The following TACC2 variants were observed in gnomAD, a reference collection of about 807,000 sequenced individuals.
TACC2 encodes the protein transforming acidic coiled-coil-containing protein 2.
A neutral mutation model predicts 227.3 loss-of-function variants in TACC2; 137 were observed. The observed-to-expected ratio is 0.60, with a 90% CI of 0.52 to 0.69. The LOEUF is 0.69. Among genes scored for constraint, TACC2 ranks in the 30% least tolerant of loss-of-function variants. The probability of loss-of-function intolerance (pLI) is 0.00; values close to 1 mark genes in which losing one functional copy is unlikely to be tolerated. For synonymous variants in TACC2, 1,523 were observed against 1,487.5 expected (o/e 1.02, Z -0.55); for missense variants, 3,470 against 3,694.4 (o/e 0.94, Z 1.57).
chr10:122,135,504 C>T (rs1565402068), intron 6 of TACC2, among the ~76,000 whole-genome samples: 1 of 152,138 alleles, frequency 6.6e-6, no homozygotes, highest in African/African-American at 2.4e-5. Flanking sequence ...AAGGAATGAG[C>T]AATTTTGGTG....
chr10:122,207,804 G>A lies in TACC2; in HGVS notation c.5972-2593G>A, dbSNP rs143514817. Among the ~76,000 whole-genome samples, 182 of 152,300 alleles carry A rather than the reference G, an allele frequency of 1.2e-3. 3 individuals are homozygous for A. In the East Asian group the frequency reaches 0.027, roughly 23 times the overall value. ...AACTGCTGACATTTGAAGGGCCTCC[G>A]AAGGCTTCCTTCTGCAGGCTGCAGA... On this transcript the variant is annotated intron_variant, in intron 8 of 22. Transcript: ENST00000369005.
intron 5 of TACC2, among the ~76,000 whole-genome samples, chr10:122,090,690 T>G (rs1322978227): frequency 6.6e-6 from 1 of 152,218 alleles, no homozygotes; most frequent in Non-Finnish European, 1.5e-5. Context: ...CACTCTTTAG[T>G]GTTTTTAGTG....
Position 122,088,196 on chromosome 10 carries a change from A to G in TACC2, c.5459+237A>G, listed in dbSNP as rs191379663. ...TATGTTCTTTTTCTTGTGTTCCTTA[A>G]TTCATCTAACTTAAACCACTGGAAA... On this transcript the variant is annotated intron_variant, in intron 4 of 22. Transcript: ENST00000369005. 1.1e-4 allele frequency among the ~76,000 whole-genome samples: 16 copies of G among 152,218 alleles called. No individual in the cohort carries two copies. The highest frequency in any genetic ancestry group is 2.0e-4 in the Admixed American group (3 of 15,282).
At chr10:122,174,089 C>T (rs935191535) in intron 7 of TACC2, among the ~76,000 whole-genome samples, 1 of 152,208 alleles carries the variant, frequency 6.6e-6, no homozygotes, top group Non-Finnish European at 1.5e-5. Flanking sequence ...GTGGACTGTC[C>T]AAGGGTTCTT....
At chr10:122,034,575 C>T (rs963058607) in intron 2 of TACC2, among the ~76,000 whole-genome samples, 32 of 152,132 alleles carry the variant, frequency 2.1e-4, no homozygotes, top group African/African-American at 7.2e-4. Context: ...TTCCCTGCAC[C>T]CTGACCTTCC....
intron 18 of TACC2, among the ~76,000 whole-genome samples, chr10:122,239,123 C>T (rs1010585743): frequency 2.0e-5 from 3 of 152,130 alleles, no homozygotes; most frequent in Admixed American, 6.5e-5. Context: ...CCTGCCTCGG[C>T]CTCCCAAGTA....
chr10:122,169,600 T>A (rs1450920068), intron 7 of TACC2, among the ~76,000 whole-genome samples: 2 of 152,180 alleles, frequency 1.3e-5, no homozygotes, highest in African/African-American at 4.8e-5. Context: ...ATACGGATGA[T>A]TGGTACAGGG....
chr10:122,228,050 G>A, intron 14 of TACC2, 42 bp downstream of exon 14: 1 of 1,587,726 alleles, frequency 6.3e-7, no homozygotes, highest in East Asian at 2.2e-5. Context: ...GGGATGAGGT[G>A]TGGGCCAGCT....
chr10:122,038,875 T>G (rs2073908183), intron 2 of TACC2, among the ~76,000 whole-genome samples: 1 of 152,212 alleles, frequency 6.6e-6, no homozygotes. Context: ...ACAGCATCAT[T>G]GCATTAAAGG....
intron 11 of TACC2, 30 bp downstream of exon 11, chr10:122,216,858 C>T (rs2141141384): frequency 1.2e-6 from 2 of 1,614,146 alleles, no homozygotes; most frequent in Admixed American, 1.7e-5. Flanking sequence ...GCTGGACCCC[C>T]ACTCTGCCTC....
At chr10:122,149,296 T>C (rs17638681) in intron 7 of TACC2, among the ~76,000 whole-genome samples, 11,525 of 152,216 alleles carry the variant, frequency 0.076, 610 homozygotes, top group Admixed American at 0.15. Flanking sequence ...CTTGGAAACC[T>C]GGCCAAGGGC....
At position 122,194,213 on chromosome 10, in the gene TACC2, C is replaced by T. The variant is rs887925677; in HGVS notation, c.5835-827C>T. 1.4e-4 allele frequency among the ~76,000 whole-genome samples: 22 copies of T among 152,226 alleles called. No individual in the cohort carries two copies. Among genetic ancestry groups the T allele is most frequent in the East Asian group, 1.9e-4 (1 of 5,194 alleles). On this transcript the variant is annotated intron_variant, in intron 7 of 22. Transcript: ENST00000369005. This position sits in a 1 kb window ranked among gnomAD's most constrained non-coding sequence, Gnocchi z 4.4. ...CGCTGGGATTAGAGGCATGAGCCAC[C>T]GCACCTGGCCTGTTGGTTCCTCTTC...
At chr10:122,158,630 A>G (rs1297454849) in intron 7 of TACC2, among the ~76,000 whole-genome samples, 1 of 152,132 alleles carries the variant, frequency 6.6e-6, no homozygotes, top group African/African-American at 2.4e-5. Flanking sequence ...AATATGGTGA[A>G]GGTGGTAGAA....
intron 6 of TACC2, among the ~76,000 whole-genome samples, chr10:122,142,141 C>T (rs2090665307): frequency 2.6e-5 from 4 of 152,318 alleles, no homozygotes; most frequent in African/African-American, 9.6e-5. Flanking sequence ...TTTTGTTCCC[C>T]CGTGGATTGG....
In TACC2 at chr10:122,254,001, T is replaced by C. The variant is rs1220908859; in HGVS notation, c.8792T>C (p.Ile2931Thr). The change falls in exon 23 of 23, where the codon ATA (isoleucine) becomes ACA (threonine). Residue 2931 changes from isoleucine (I) to threonine (T), a missense_variant. By Grantham distance (89) the Ile-to-Thr change is moderately conservative (BLOSUM62 -1). Coordinates refer to ENST00000369005, the MANE Select transcript of TACC2 (RefSeq NM_206862.4). The stretch of plus-strand genomic sequence containing the variant: ...TGTCTTCACTTGCAGAATAAAGAAA[T>C]AGAAGAACTCACCAAGATTTGTGAC... ...ERTLEQKNKE[I>T]EELTKICDEL... 6.2e-7 allele frequency: 1 copy of C among 1,613,998 alleles called. No homozygotes were observed.
chr10:122,142,396 G>A (rs979424508), intron 6 of TACC2, among the ~76,000 whole-genome samples: 1 of 152,248 alleles, frequency 6.6e-6, no homozygotes, highest in Non-Finnish European at 1.5e-5. Flanking sequence ...ACGGTGAGGG[G>A]CTGGGAAGTG....
rs372197053 is a variant in TACC2, at chr10:122,138,942, T to C, written c.5700-4630T>C. Among the ~76,000 whole-genome samples, 14 of 152,338 alleles carry C rather than the reference T, an allele frequency of 9.2e-5. No homozygotes were observed. In the South Asian group the frequency reaches 2.7e-3, roughly 29 times the overall value. On this transcript the variant is annotated intron_variant, in intron 6 of 22. Coordinates refer to ENST00000369005, the MANE Select transcript of TACC2 (RefSeq NM_206862.4). ...AAGATCAGTCTCCTTTTATCCCTTG[T>C]GTCTCCACCCCTGTAGCCTCTGTAA...
chr10:122,040,655 A>G (rs1274675271), intron 2 of TACC2, among the ~76,000 whole-genome samples: 2 of 146,766 alleles, frequency 1.4e-5, no homozygotes, highest in Non-Finnish European at 3.0e-5. Flanking sequence ...AAGACATTCA[A>G]TCCTATTATT....
intron 1 of TACC2, among the ~76,000 whole-genome samples, chr10:122,001,309 G>A (rs1954295675): frequency 6.6e-6 from 1 of 152,216 alleles, no homozygotes; most frequent in Admixed American, 6.5e-5. Context: ...CATGGCAGAA[G>A]GCGAATGAGG....
Sources: gnomAD v4.1 joint callset for allele counts (sites outside exome capture counted in the v4.1 genomes callset) on GRCh38, gnomAD v4.1.1 for gene constraint, Gnocchi (gnomAD v3.1) non-coding constraint, MANE v1.5 for transcripts, NCBI Gene and HGNC (gene_info 2026-07-23, HGNC 2026-07-21) for gene names.